RSPO2: variants seen among roughly 807,000 people sequenced by gnomAD.
RSPO2 encodes R-spondin 2.
RSPO2 carries 14 observed loss-of-function variants against 30.9 expected under a neutral mutation model. That is an observed-to-expected ratio of 0.45 (90% CI 0.30 to 0.71). RSPO2 has a LOEUF of 0.71. Ranked by LOEUF, RSPO2 falls within the 30% of genes least tolerant of loss-of-function variation. RSPO2 has a pLI of 0.08. For missense variants in RSPO2, 264 were observed against 301.9 expected, an observed-to-expected ratio of 0.87 and a Z score of 0.93; for synonymous variants, 107 against 96.4, an observed-to-expected ratio of 1.11 and a Z score of -0.64.
intron 5 of RSPO2, among the ~76,000 whole-genome samples, chr8:107,938,262 T>C (rs1812782028): frequency 1.3e-5 from 2 of 152,158 alleles, no homozygotes; most frequent in Non-Finnish European, 2.9e-5. Context: ...GAAATACTCA[T>C]GTAATTTCAG....
intron 2 of RSPO2, among the ~76,000 whole-genome samples, chr8:108,028,312 C>G (rs1455832469): frequency 2.0e-5 from 3 of 152,148 alleles, no homozygotes; most frequent in Non-Finnish European, 4.4e-5. Flanking sequence ...CAAATGCCAC[C>G]TTCTCTGTCA....
At chr8:107,927,507 C>A in intron 5 of RSPO2, among the ~76,000 whole-genome samples, 1 of 152,092 alleles carries the variant, frequency 6.6e-6, no homozygotes, top group Non-Finnish European at 1.5e-5. Context: ...AGTTTTTGCC[C>A]ATTCAGTATG....
intron 2 of RSPO2, among the ~76,000 whole-genome samples, chr8:108,040,687 T>C (rs1031685316): frequency 8.5e-5 from 13 of 152,198 alleles, no homozygotes; most frequent in African/African-American, 2.9e-4. Context: ...GTAAAACTAA[T>C]GGAGGAAGGG....
At chr8:107,968,020 T>C (rs1466001503) in intron 3 of RSPO2, among the ~76,000 whole-genome samples, 1 of 152,138 alleles carries the variant, frequency 6.6e-6, no homozygotes, top group Non-Finnish European at 1.5e-5. Flanking sequence ...TGCTGTGTAA[T>C]TAGTTATTAA....
chr8:108,042,408 C>T (rs1811786159), intron 2 of RSPO2, among the ~76,000 whole-genome samples: 1 of 152,008 alleles, frequency 6.6e-6, no homozygotes, highest in Non-Finnish European at 1.5e-5. Flanking sequence ...GAGAAGCAGC[C>T]CTTCCCTTCA....
intron 2 of RSPO2, among the ~76,000 whole-genome samples, chr8:108,063,419 C>T (rs2130709059): frequency 6.6e-6 from 1 of 151,964 alleles, no homozygotes; most frequent in African/African-American, 2.4e-5. Context: ...CATGAGTGAA[C>T]TCCCATTCAC....
intron 5 of RSPO2, among the ~76,000 whole-genome samples, chr8:107,943,900 CG>C (rs1812976194): frequency 6.6e-6 from 1 of 152,072 alleles, no homozygotes; most frequent in African/African-American, 2.4e-5. Flanking sequence ...CAGGTTTTGA[CG>C]TAAGATGAAA....
rs1554625826 is a variant in RSPO2 at position 107,906,358 on chromosome 8, T to TATTTTTAGTAATAGC, written c.617-5169_617-5168insGCTATTACTAAAAAT. Among the ~76,000 whole-genome samples the TATTTTTAGTAATAGC allele has an allele frequency of 4.5e-4, 67 of 149,632 alleles. 1 individual carries two copies. In the East Asian group the frequency reaches 4.7e-3, roughly 10 times the overall value. Reference sequence around the variant, plus strand: ...ATGAATGCAAGTATTTTATATTTTATATTTTATATTTTTATTTTAGAAATA... The same window carrying TATTTTTAGTAATAGC: ...ATGAATGCAAGTATTTTATATTTTATATTTTTAGTAATAGCATTTTATATTTTTATTTTAGAAATA... On this transcript the variant is annotated intron_variant, in intron 5 of 5. Transcript: ENST00000276659.
intron 2 of RSPO2, among the ~76,000 whole-genome samples, chr8:108,025,023 A>T (rs897907657): frequency 2.0e-4 from 31 of 152,366 alleles, no homozygotes; most frequent in African/African-American, 6.0e-4. Context: ...GTCTCAAAAA[A>T]GCAAGGATAG....
chr8:108,033,112 G>C (rs1038536872), intron 2 of RSPO2, among the ~76,000 whole-genome samples: 1 of 147,110 alleles, frequency 6.8e-6, no homozygotes, highest in African/African-American at 2.5e-5. Flanking sequence ...TGTTACCCAA[G>C]CTGGTCTCGA....
chr8:108,065,776 G>T (rs13277800), intron 2 of RSPO2, among the ~76,000 whole-genome samples: 1 of 151,902 alleles, frequency 6.6e-6, no homozygotes. Flanking sequence ...GGTAGCTCAC[G>T]TCTGTAATCC....
intron 5 of RSPO2, among the ~76,000 whole-genome samples, chr8:107,957,700 T>C (rs1024024403): frequency 1.3e-5 from 2 of 152,178 alleles, no homozygotes; most frequent in Admixed American, 1.3e-4. Context: ...CTTTCTAATC[T>C]AAACTCTTCT....
intron 2 of RSPO2, among the ~76,000 whole-genome samples, chr8:108,029,981 A>G (rs1811365879): frequency 6.6e-6 from 1 of 152,272 alleles, no homozygotes; most frequent in Non-Finnish European, 1.5e-5. Context: ...CTGTTATCTA[A>G]TTTCTAACAG....
At chr8:108,064,362 G>C (rs1328578418) in intron 2 of RSPO2, among the ~76,000 whole-genome samples, 1 of 152,154 alleles carries the variant, frequency 6.6e-6, no homozygotes, top group Non-Finnish European at 1.5e-5. Flanking sequence ...AGTGGGCAAA[G>C]GATATGAACA....
chr8:108,069,707 T>C (rs1188414667), intron 2 of RSPO2, among the ~76,000 whole-genome samples: 1 of 152,208 alleles, frequency 6.6e-6, no homozygotes, highest in Non-Finnish European at 1.5e-5. Flanking sequence ...TAAGAAAATA[T>C]TGTTTCAGAC....
At chr8:107,927,403 G>A (rs1428398759) in intron 5 of RSPO2, among the ~76,000 whole-genome samples, 9 of 152,114 alleles carry the variant, frequency 5.9e-5, no homozygotes, top group Non-Finnish European at 1.0e-4. Flanking sequence ...TCTCCTGCCT[G>A]ATTGCCCTGG....
chr8:107,994,952 A>C (rs1387855597), intron 2 of RSPO2, among the ~76,000 whole-genome samples: 5 of 152,088 alleles, frequency 3.3e-5, no homozygotes, highest in Non-Finnish European at 7.4e-5. Flanking sequence ...ATCTACACAG[A>C]TTTTAGATCC....
chr8:107,989,485 A>G, intron 2 of RSPO2: 1 of 439,936 alleles, frequency 2.3e-6, no homozygotes, highest in Non-Finnish European at 4.0e-6. Context: ...CTAAAGCTGA[A>G]TGGCTCATGG....
chr8:107,955,927 T>C (rs1018830150), intron 5 of RSPO2, among the ~76,000 whole-genome samples: 6 of 152,196 alleles, frequency 3.9e-5, no homozygotes, highest in African/African-American at 1.4e-4. Flanking sequence ...CATTTTTGCA[T>C]GGTTTGTCAA....
Sources: gnomAD v4.1 joint callset for allele counts (sites outside exome capture counted in the v4.1 genomes callset) on GRCh38, gnomAD v4.1.1 for gene constraint, MANE v1.5 for transcripts, NCBI Gene and HGNC (gene_info 2026-07-23, HGNC 2026-07-21) for gene names.